Variants in ANK3 observed in about 807,000 individuals in gnomAD.
ANK3 encodes ankyrin 3.
Under a neutral mutation model 370.9 loss-of-function variants are expected in ANK3, and 57 were observed. That is an observed-to-expected ratio of 0.15 (90% CI 0.12 to 0.19). The LOEUF is 0.19. Among genes scored for constraint, ANK3 ranks in the 10% least tolerant of loss-of-function variants. The pLI is 1.00. For synonymous variants in ANK3, 1,929 were observed against 1,946.3 expected, an observed-to-expected ratio of 0.99 and a Z score of 0.23; for missense variants, 4,439 against 5,302.1, an observed-to-expected ratio of 0.84 and a Z score of 5.06.
intron 1 of ANK3, among the ~76,000 whole-genome samples, chr10:60,639,005 T>C (rs1207011938): frequency 6.6e-6 from 1 of 152,006 alleles, no homozygotes; most frequent in Non-Finnish European, 1.5e-5. Flanking sequence ...ATAAAAAGCC[T>C]ATAGATTTTA....
chr10:60,287,164 C>T (rs2040201946), intron 1 of ANK3, among the ~76,000 whole-genome samples: 1 of 152,126 alleles, frequency 6.6e-6, no homozygotes, highest in African/African-American at 2.4e-5. Context: ...ACTCTGTACT[C>T]ATACAACCAA....
In ANK3 at chr10:60,070,606, A is replaced by G. The variant is rs1246826313; in HGVS notation, c.10275T>C (p.Asp3425=). Residue 3425 remains aspartate (D), a synonymous_variant, in exon 37 of 44, where the codon GAT becomes GAC. Transcript: ENST00000280772. The surrounding 1 kb of genome is among the most constrained non-coding windows in gnomAD (Gnocchi z 5.7). The stretch of plus-strand genomic sequence containing the variant: ...GTTTAGAATCACTCTCTGTCAAGCC[A>G]TCATCTTCATCTTGCAGGTCATAGC... The part of the protein sequence containing the change: ...LDGYDLQDED[D]GLTESDSKLP... The G allele has an allele frequency of 6.2e-7, 1 of 1,614,108 alleles. No individual in the cohort carries two copies. Among genetic ancestry groups the G allele is most frequent in the South Asian group, 1.1e-5 (1 of 91,080 alleles).
intron 1 of ANK3, among the ~76,000 whole-genome samples, chr10:60,377,588 T>C (rs1176564527): frequency 6.6e-6 from 1 of 152,146 alleles, no homozygotes; most frequent in Non-Finnish European, 1.5e-5. Context: ...CTGGTGATGA[T>C]GAGGGAGAGA....
At chr10:60,322,826 T>C (rs1234568280) in intron 1 of ANK3, among the ~76,000 whole-genome samples, 1 of 152,088 alleles carries the variant, frequency 6.6e-6, no homozygotes, top group African/African-American at 2.4e-5. Flanking sequence ...TGGTTGAATT[T>C]GGGGTATATT....
At chr10:60,493,394 G>T (rs375245559) in intron 2 of ANK3, among the ~76,000 whole-genome samples, 13 of 152,202 alleles carry the variant, frequency 8.5e-5, no homozygotes, top group African/African-American at 3.1e-4. Context: ...GAGCCCTATG[G>T]GAGGAGGCAG....
intron 25 of ANK3, among the ~76,000 whole-genome samples, chr10:60,129,010 A>G (rs2093924863): frequency 6.6e-6 from 1 of 152,246 alleles, no homozygotes; most frequent in East Asian, 1.9e-4. Flanking sequence ...TTCATCCCAG[A>G]CAATCAGGCT....
At chr10:60,051,927 T>C (rs2078124351) in intron 42 of ANK3, among the ~76,000 whole-genome samples, 1 of 152,094 alleles carries the variant, frequency 6.6e-6, no homozygotes, top group Admixed American at 6.5e-5. Context: ...TCTATATTCA[T>C]CTACCATGAA....
intron 16 of ANK3, among the ~76,000 whole-genome samples, chr10:60,192,000 C>G (rs1255628597): frequency 6.6e-6 from 1 of 152,056 alleles, no homozygotes; most frequent in Non-Finnish European, 1.5e-5. Flanking sequence ...CCTCTGCCTC[C>G]CGGGTTTCAG....
chr10:60,050,803 A>G (rs2077802106), intron 42 of ANK3: 1 of 152,168 alleles, frequency 6.6e-6, no homozygotes, highest in African/African-American at 2.4e-5. Flanking sequence ...GTGCCGTAAT[A>G]GGGAAGAATT....
intron 23 of ANK3, chr10:60,144,297 C>G: frequency 2.7e-6 from 1 of 374,192 alleles, no homozygotes; most frequent in Non-Finnish European, 5.1e-6. Flanking sequence ...TAATGTATCA[C>G]TAATAAATTA....
chr10:60,129,091 G>A (rs2093929890), intron 25 of ANK3, among the ~76,000 whole-genome samples: 1 of 152,210 alleles, frequency 6.6e-6, no homozygotes, highest in Non-Finnish European at 1.5e-5. Context: ...AAGCACAGGT[G>A]TTGCTCTCAG....
chr10:60,070,097 G>T lies in ANK3; in HGVS notation c.10784C>A (p.Thr3595Asn). 1 of 1,614,174 alleles carries T rather than the reference G, an allele frequency of 6.2e-7. No individual in the cohort carries two copies. The highest frequency in any genetic ancestry group is 8.5e-7 in the Non-Finnish European group (1 of 1,180,016). ...AAATGGGAAGGGGTTAGGCTCACTAGTTGGGGTACTTTCATCAGTTGGCGT... is the reference window on the plus strand; with the variant it reads ...AAATGGGAAGGGGTTAGGCTCACTATTTGGGGTACTTTCATCAGTTGGCGT... Reference protein sequence around the residue: ...ARTPTDESTPTSEPNPFPFHE... With the variant: ...ARTPTDESTPNSEPNPFPFHE... The change falls in exon 37 of 44, where the codon ACT (threonine) becomes AAT (asparagine). Residue 3595 changes from threonine (T) to asparagine (N), a missense_variant. Coordinates refer to ENST00000280772, the MANE Select transcript of ANK3 (RefSeq NM_020987.5). This position sits in a 1 kb window ranked among gnomAD's most constrained non-coding sequence, Gnocchi z 5.7.
intron 7 of ANK3, among the ~76,000 whole-genome samples, chr10:60,260,072 T>C (rs1044365013): frequency 1.3e-5 from 2 of 152,210 alleles, no homozygotes; most frequent in African/African-American, 4.8e-5. Flanking sequence ...AGCTTTTCTA[T>C]TAGTACAATC....
chr10:60,200,823 C>T (rs182077513), intron 12 of ANK3, among the ~76,000 whole-genome samples: 9 of 152,302 alleles, frequency 5.9e-5, no homozygotes, highest in East Asian at 1.9e-4. Flanking sequence ...TGTCAACAGC[C>T]GGTTTGCATT....
chr10:60,442,457 C>G (rs909784285), intron 2 of ANK3, among the ~76,000 whole-genome samples: 2 of 152,062 alleles, frequency 1.3e-5, no homozygotes, highest in Non-Finnish European at 2.9e-5. Context: ...AATGTAAATG[C>G]TATGTAAGTG....
chr10:60,435,915 G>A (rs1470699642), intron 2 of ANK3, among the ~76,000 whole-genome samples: 1 of 152,018 alleles, frequency 6.6e-6, no homozygotes, highest in Non-Finnish European at 1.5e-5. Flanking sequence ...GTGAAACCCC[G>A]TCTCTACTAA....
chr10:60,491,034 TATAC>T (rs2075486158), intron 2 of ANK3, among the ~76,000 whole-genome samples: 2 of 152,360 alleles, frequency 1.3e-5, no homozygotes, highest in African/African-American at 4.8e-5. Flanking sequence ...TCATATATTA[TATAC>T]CCTTTTGTAT....
At position 60,069,122 on chromosome 10, in the gene ANK3, C is replaced by G; in HGVS notation, c.11759G>C (p.Arg3920Thr). The change falls in exon 37 of 44, where the codon AGG (arginine) becomes ACG (threonine). Residue 3920 changes from arginine (R) to threonine (T), a missense_variant. Transcript: ENST00000280772. ...TTTTCTAACTGCAATTATGTTATCC[C>G]TGTGTGTGTTTTTCACTGGAATTCT... Reference protein sequence around the residue: ...KSRIPVKNTHRDNIIAVRKAC... With the variant: ...KSRIPVKNTHTDNIIAVRKAC... The G allele has an allele frequency of 6.2e-7, 1 of 1,614,112 alleles. No homozygotes were observed. Among genetic ancestry groups the G allele is most frequent in the Non-Finnish European group, 8.5e-7 (1 of 1,180,004 alleles).
At chr10:60,329,019 C>T (rs1287555106) in intron 1 of ANK3, among the ~76,000 whole-genome samples, 1 of 152,124 alleles carries the variant, frequency 6.6e-6, no homozygotes, top group East Asian at 1.9e-4. Context: ...ATAAACAGAA[C>T]CAATGACAAA....
Sources: gnomAD v4.1 joint callset for allele counts (sites outside exome capture counted in the v4.1 genomes callset) on GRCh38, gnomAD v4.1.1 for gene constraint, Gnocchi (gnomAD v3.1) non-coding constraint, MANE v1.5 for transcripts, NCBI Gene and HGNC (gene_info 2026-07-23, HGNC 2026-07-21) for gene names.